The following CBY3 variants were observed in gnomAD, a reference collection of about 807,000 sequenced individuals.
The protein encoded by CBY3 is sperm annulus positioning complex subunit Chibby3.
Under a neutral mutation model 3.0 loss-of-function variants are expected in CBY3, and 7 were observed. The ratio of observed to expected loss-of-function variants is 2.32; its 90% CI spans 1.32 to 4.35. The LOEUF is 4.35. Ranked by LOEUF, CBY3 falls within the 30% of genes most tolerant of loss-of-function variation. The pLI is 0.00. For missense variants in CBY3, 400 were observed against 336.4 expected (o/e 1.19, Z -1.48); for synonymous variants, 170 against 154.5 (o/e 1.10, Z -0.74).
In CBY3 at chr5:179,679,261, C is replaced by T. The variant is rs1301975407; in HGVS notation, c.51G>A (p.Ala17=). 4 of 1,521,532 alleles carry T rather than the reference C, an allele frequency of 2.6e-6. No individual in the cohort carries two copies. The highest frequency in any genetic ancestry group is 1.4e-5 in the African/African-American group (1 of 72,652). 94.3% of individuals were successfully genotyped at this position (1,521,532 alleles called of 1,614,324 possible). The part of the protein sequence containing the change: ...HLPEPDLGDA[A]PPGSPSSFWT... ...AGAATGATGAAGGCGAGCCAGGGGG[C>T]GCTGCTGGGAGACAAGAGTCCGGGT... Residue 17 remains alanine (A), a synonymous_variant, in exon 2 of 2, where the codon GCG becomes GCA. Transcript: ENST00000376974.
At position 179,680,920 on chromosome 5, in the gene CBY3, C is replaced by G; in HGVS notation, c.-2G>C. ...GAGATGGTCTCTGGAAGCCCACATC[C>G]AGGCCCACCCTTGAGATTGTATCTT... On this transcript the variant is annotated 5_prime_UTR_variant, in exon 1 of 2. Transcript: ENST00000376974. The G allele has an allele frequency of 2.6e-6, 4 of 1,536,574 alleles. No homozygotes were observed. Among genetic ancestry groups the G allele is most frequent in the Non-Finnish European group, 3.5e-6 (4 of 1,146,670 alleles).
At position 179,678,652 on chromosome 5, in the gene CBY3, C is replaced by T. The variant is rs1270629612; in HGVS notation, c.660G>A (p.Lys220=). The T allele has an allele frequency of 3.9e-6, 6 of 1,534,376 alleles. No homozygotes were observed. The highest frequency in any genetic ancestry group is 2.7e-5 in the African/African-American group (2 of 72,960). Residue 220 remains lysine, a synonymous_variant, in exon 2 of 2, where the codon AAG becomes AAA. Transcript: ENST00000376974. ...CGCTGGCGCCTGCGCGCTTGCGCAT[C>T]TTCCTCTGCCCGGCGCGCGCCGCAG... The part of the protein sequence containing the change: ...PTAAARAGQR[K]MRKRAGASAG...
At position 179,678,724 on chromosome 5, in the gene CBY3, G is replaced by T; in HGVS notation, c.588C>A (p.Arg196=). ...TGCGCTGCTTCTCCAGCAAGTGCAT[G>T]CGCGCCATGGTCTCAGTCAGCATGT... The part of the protein sequence containing the change: ...LIDMLTETMA[R]MHLLEKQRNP... Residue 196 remains arginine, a synonymous_variant, in exon 2 of 2, where the codon CGC becomes CGA. Coordinates refer to ENST00000376974, the MANE Select transcript of CBY3 (RefSeq NM_001164444.2). 4 of 1,537,028 alleles carry T rather than the reference G, an allele frequency of 2.6e-6. No individual in the cohort carries two copies. The highest frequency in any genetic ancestry group is 3.5e-6 in the Non-Finnish European group (4 of 1,146,728).
intron 1 of CBY3, among the ~76,000 whole-genome samples, chr5:179,680,413 G>A (rs887824967): frequency 1.3e-5 from 2 of 152,118 alleles, no homozygotes. Flanking sequence ...GCCAGACTCT[G>A]GTCTTGGGAA....
At position 179,678,815 on chromosome 5, in the gene CBY3, C is replaced by T. The variant is rs375782480; in HGVS notation, c.497G>A (p.Arg166Gln). ...TAWGWKAQVQRSKSQVLLEEN... is the reference protein window; with the variant it reads ...TAWGWKAQVQQSKSQVLLEEN... Reference sequence around the variant, plus strand: ...CTCCAGCAACACTTGGCTTTTGGACCGCTGCACCTGCGCCTTCCAGCCCCA... The same window carrying T: ...CTCCAGCAACACTTGGCTTTTGGACTGCTGCACCTGCGCCTTCCAGCCCCA... Residue 166 changes from arginine to glutamine, a missense_variant, in exon 2 of 2, where the codon CGG becomes CAG. Arg to Gln is a conservative substitution (Grantham distance 43). Coordinates refer to ENST00000376974, the MANE Select transcript of CBY3 (RefSeq NM_001164444.2). 10 of 1,536,902 alleles carry T rather than the reference C, an allele frequency of 6.5e-6. No homozygotes were observed. Among genetic ancestry groups the T allele is most frequent in the Admixed American group, 2.0e-5 (1 of 50,978 alleles).
chr5:179,679,032 G>A lies in CBY3; in HGVS notation c.280C>T (p.Pro94Ser). The A allele has an allele frequency of 6.5e-7, 1 of 1,534,624 alleles. No individual in the cohort carries two copies. The highest frequency in any genetic ancestry group is 8.7e-7 in the Non-Finnish European group (1 of 1,145,942). The change falls in exon 2 of 2, where the codon CCA (proline) becomes TCA (serine). Residue 94 changes from proline (P) to serine (S), a missense_variant. Coordinates refer to ENST00000376974, the MANE Select transcript of CBY3 (RefSeq NM_001164444.2). Reference sequence around the variant, plus strand: ...GACAGGGAGGGCATGCGGCGCAGTGGCGGCCGCCGTGGCGAGAAGGGCCGC... The same window carrying A: ...GACAGGGAGGGCATGCGGCGCAGTGACGGCCGCCGTGGCGAGAAGGGCCGC... ...ISRPFSPRRP[P>S]LRRMPSLSTF...
chr5:179,678,954 A>G lies in CBY3; in HGVS notation c.358T>C (p.Tyr120His). ...CTGAGGCGCATGCACGGCGCGCCGT[A>G]GGCGAGGCCCAGCTCGGCCTGGCGC... Reference protein sequence around the residue: ...NTRQAELGLAYGAPCMRLSNQ... With the variant: ...NTRQAELGLAHGAPCMRLSNQ... The change falls in exon 2 of 2, where the codon TAC becomes CAC. Residue 120 changes from tyrosine to histidine, a missense_variant. Coordinates refer to ENST00000376974, the MANE Select transcript of CBY3 (RefSeq NM_001164444.2). 3 of 1,535,530 alleles carry G rather than the reference A, an allele frequency of 2.0e-6. No individual in the cohort carries two copies. Among genetic ancestry groups the G allele is most frequent in the Non-Finnish European group, 2.6e-6 (3 of 1,146,110 alleles).
rs746172220 is a variant in CBY3 at position 179,678,787 on chromosome 5, C to G, written c.525G>C (p.Glu175Asp). 12 of 1,537,066 alleles carry G rather than the reference C, an allele frequency of 7.8e-6. 1 individual carries two copies. The South Asian group carries it at 1.4e-4, about 18-fold the overall frequency. The change falls in exon 2 of 2, where the codon GAG (glutamate) becomes GAC (aspartate). Residue 175 changes from glutamate to aspartate, a missense_variant. By Grantham distance (45) the Glu-to-Asp change is conservative (BLOSUM62 2). Coordinates refer to ENST00000376974, the MANE Select transcript of CBY3 (RefSeq NM_001164444.2). The part of the protein sequence containing the change: ...QRSKSQVLLE[E>D]NNYLKLQQEL... Reference sequence around the variant, plus strand: ...CCTGCTGCAGCTTCAGGTAGTTGTTCTCCTCCAGCAACACTTGGCTTTTGG... The same window carrying G: ...CCTGCTGCAGCTTCAGGTAGTTGTTGTCCTCCAGCAACACTTGGCTTTTGG...
At position 179,681,026 on chromosome 5, in the gene CBY3, C is replaced by T; in HGVS notation, c.-108G>A. 2 of 988,426 alleles carry T rather than the reference C, an allele frequency of 2.0e-6. No individual in the cohort carries two copies. Among genetic ancestry groups the T allele is most frequent in the Non-Finnish European group, 3.1e-6 (2 of 654,368 alleles). 61.2% of individuals were successfully genotyped at this position (988,426 alleles called of 1,614,324 possible). ...TGGGGTGGAGTTGCTGAGCTGCTGTCCCAGGGCTAGTCCCATCTCTGACCC... is the reference window on the plus strand; with the variant it reads ...TGGGGTGGAGTTGCTGAGCTGCTGTTCCAGGGCTAGTCCCATCTCTGACCC... On this transcript the variant is annotated 5_prime_UTR_variant, in exon 1 of 2. Coordinates refer to ENST00000376974, the MANE Select transcript of CBY3 (RefSeq NM_001164444.2).
rs375782480 is a variant in CBY3, at chr5:179,678,815, C to G, written c.497G>C (p.Arg166Pro). Residue 166 changes from arginine (R) to proline (P), a missense_variant, in exon 2 of 2, where the codon CGG becomes CCG. Transcript: ENST00000376974. ...TAWGWKAQVQ[R>P]SKSQVLLEEN... is the part of the protein sequence containing the mutation. ...CTCCAGCAACACTTGGCTTTTGGAC[C>G]GCTGCACCTGCGCCTTCCAGCCCCA... 10 of 1,537,020 alleles carry G rather than the reference C, an allele frequency of 6.5e-6. No homozygotes were observed. In the African/African-American group the frequency reaches 8.2e-5, roughly 13 times the overall value.
In CBY3 at chr5:179,679,070, G is replaced by A. The variant is rs1407949162; in HGVS notation, c.242C>T (p.Ala81Val). Residue 81 changes from alanine (A) to valine (V), a missense_variant, in exon 2 of 2, where the codon GCC becomes GTC. Ala to Val is a moderately conservative substitution (Grantham distance 64, BLOSUM62 0). Coordinates refer to ENST00000376974, the MANE Select transcript of CBY3 (RefSeq NM_001164444.2). ...RLWQTLQQFW[A>V]DHISRPFSPR... ...CGAGAAGGGCCGCGAGATGTGATCG[G>A]CCCAAAACTGCTGCAGCGTCTGCCA... 2.0e-6 allele frequency: 3 copies of A among 1,535,566 alleles called. No homozygotes were observed. Among genetic ancestry groups the A allele is most frequent in the Non-Finnish European group, 2.6e-6 (3 of 1,146,552 alleles).
chr5:179,678,962 C>A lies in CBY3; in HGVS notation c.350G>T (p.Gly117Val), dbSNP rs1244501977. Residue 117 changes from glycine to valine, a missense_variant, in exon 2 of 2, where the codon GGC becomes GTC. Gly to Val is a moderately radical substitution (Grantham distance 109, BLOSUM62 -3). Transcript: ENST00000376974. ...LDHNTRQAEL[G>V]LAYGAPCMRL... is the part of the protein sequence containing the mutation. ...CATGCACGGCGCGCCGTAGGCGAGG[C>A]CCAGCTCGGCCTGGCGCGTGTTGTG... The A allele has an allele frequency of 6.5e-7, 1 of 1,535,658 alleles. No homozygotes were observed. The highest frequency in any genetic ancestry group is 2.0e-5 in the Admixed American group (1 of 50,912).
chr5:179,679,331 G>A, intron 1 of CBY3, 66 bp from the exon 2 acceptor site: 1 of 1,324,570 alleles, frequency 7.5e-7, no homozygotes, highest in Non-Finnish European at 1.0e-6. Flanking sequence ...CGCGAGGCCG[G>A]CGGACATGTC....
At position 179,678,806 on chromosome 5, in the gene CBY3, C is replaced by A. The variant is rs142620558; in HGVS notation, c.506G>T (p.Ser169Ile). 2.6e-4 allele frequency: 404 copies of A among 1,537,048 alleles called. No individual in the cohort carries two copies. Among genetic ancestry groups the A allele is most frequent in the Non-Finnish European group, 3.4e-4 (390 of 1,146,756 alleles). ...GTTGTTCTCCTCCAGCAACACTTGGCTTTTGGACCGCTGCACCTGCGCCTT... is the reference window on the plus strand; with the variant it reads ...GTTGTTCTCCTCCAGCAACACTTGGATTTTGGACCGCTGCACCTGCGCCTT... Reference protein sequence around the residue: ...GWKAQVQRSKSQVLLEENNYL... With the variant: ...GWKAQVQRSKIQVLLEENNYL... The change falls in exon 2 of 2, where the codon AGC (serine) becomes ATC (isoleucine). Residue 169 changes from serine to isoleucine, a missense_variant. Ser to Ile is a moderately radical substitution (Grantham distance 142). Coordinates refer to ENST00000376974, the MANE Select transcript of CBY3 (RefSeq NM_001164444.2).
At position 179,680,877 on chromosome 5, in the gene CBY3, C is replaced by T. The variant is rs1175663410; in HGVS notation, c.42G>A (p.Gly14=). 12 of 1,536,476 alleles carry T rather than the reference C, an allele frequency of 7.8e-6. No individual in the cohort carries two copies. The Admixed American group carries it at 9.8e-5, about 13-fold the overall frequency. The change falls in exon 1 of 2, where the codon GGG becomes GGA. Residue 14 remains glycine, a synonymous_variant. Transcript: ENST00000376974. The part of the protein sequence containing the change: ...SRDHLPEPDL[G]DAAPPGSPSS... ...CAGAGGCTGGATGGTACATACCATCCCCAAGATCTGGTTCAGGGAGATGGT... is the reference window on the plus strand; with the variant it reads ...CAGAGGCTGGATGGTACATACCATCTCCAAGATCTGGTTCAGGGAGATGGT...
Position 179,678,753 on chromosome 5 carries a change from T to C in CBY3, c.559A>G (p.Ile187Val), listed in dbSNP as rs772013802. Reference sequence around the variant, plus strand: ...GCCATGGTCTCAGTCAGCATGTCTATGAGCAGTTCCTGCTGCAGCTTCAGG... The same window carrying C: ...GCCATGGTCTCAGTCAGCATGTCTACGAGCAGTTCCTGCTGCAGCTTCAGG... ...NYLKLQQELL[I>V]DMLTETMARM... The change falls in exon 2 of 2, where the codon ATA becomes GTA. Residue 187 changes from isoleucine to valine, a missense_variant. Physicochemically the swap from Ile to Val is conservative, Grantham distance 29 (BLOSUM62 3). Coordinates refer to ENST00000376974, the MANE Select transcript of CBY3 (RefSeq NM_001164444.2). The C allele has an allele frequency of 1.3e-6, 2 of 1,536,986 alleles. No individual in the cohort carries two copies. Among genetic ancestry groups the C allele is most frequent in the East Asian group, 2.4e-5 (1 of 40,920 alleles).
At position 179,679,203 on chromosome 5, in the gene CBY3, T is replaced by G. The variant is rs1775986785; in HGVS notation, c.109A>C (p.Thr37Pro). 2.0e-6 allele frequency: 3 copies of G among 1,534,592 alleles called. No homozygotes were observed. The highest frequency in any genetic ancestry group is 2.0e-4 in the Middle Eastern group (1 of 4,976). Residue 37 changes from threonine to proline, a missense_variant, in exon 2 of 2, where the codon ACG becomes CCG. By Grantham distance (38) the Thr-to-Pro change is conservative. Coordinates refer to ENST00000376974, the MANE Select transcript of CBY3 (RefSeq NM_001164444.2). ...TSGLPRQERSTSRQRSRGSPS... is the reference protein window; with the variant it reads ...TSGLPRQERSPSRQRSRGSPS... ...GAGCCTCGGGAGCGCTGGCGACTCG[T>G]GCTGCGCTCTTGTCTCGGGAGCCCG...
intron 1 of CBY3, among the ~76,000 whole-genome samples, 194 bp downstream of exon 1, chr5:179,680,678 AC>A (rs1350770752): frequency 5.9e-5 from 9 of 151,766 alleles, no homozygotes; most frequent in East Asian, 3.9e-4. Flanking sequence ...TTCTCTCTGC[AC>A]CCCCCACCCC....
Position 179,680,864 on chromosome 5 carries a change from G to T in CBY3, c.46+9C>A. The T allele has an allele frequency of 6.5e-7, 1 of 1,535,122 alleles. No homozygotes were observed. Among genetic ancestry groups the T allele is most frequent in the Non-Finnish European group, 8.7e-7 (1 of 1,145,210 alleles). Reference sequence around the variant, plus strand: ...ACATATAGGTGGACAGAGGCTGGATGGTACATACCATCCCCAAGATCTGGT... The same window carrying T: ...ACATATAGGTGGACAGAGGCTGGATTGTACATACCATCCCCAAGATCTGGT... On this transcript the variant is annotated intron_variant, in intron 1 of 1. Transcript: ENST00000376974.
Sources: gnomAD v4.1 joint callset for allele counts (sites outside exome capture counted in the v4.1 genomes callset) on GRCh38, gnomAD v4.1.1 for gene constraint, MANE v1.5 for transcripts, NCBI Gene and HGNC (gene_info 2026-07-23, HGNC 2026-07-21) for gene names.